Variants in FANCA observed in about 807,000 individuals in gnomAD.
FANCA encodes FA complementation group A.
A neutral mutation model predicts 194.3 loss-of-function variants in FANCA; 236 were observed. The observed-to-expected ratio is 1.21, with a 90% CI of 1.09 to 1.35. The LOEUF is 1.35. Ranked by LOEUF, FANCA falls within the 40% of genes most tolerant of loss-of-function variation. FANCA has a pLI of 0.00. For missense variants in FANCA, 2,628 were observed against 1,813.9 expected, an observed-to-expected ratio of 1.45 and a Z score of -8.15; for synonymous variants, 1,014 against 715.8, an observed-to-expected ratio of 1.42 and a Z score of -6.65.
At chr16:89,805,429 T>A (rs894967124) in intron 6 of FANCA, 37 bp from the exon 7 acceptor site, 10 of 1,522,674 alleles carry the variant, frequency 6.6e-6, no homozygotes, top group Non-Finnish European at 9.1e-6. Context: ...AAGGCTCAAC[T>A]AAATCCCATC....
Position 89,743,026 on chromosome 16 carries a change from T to C in FANCA, c.3627-88A>G. On this transcript the variant is annotated intron_variant, in intron 36 of 42. Transcript: ENST00000389301. Reference sequence around the variant, plus strand: ...CAAGTCCTTATTCCCACCTGTCACCTTTGGGGCCTGCCTTTCCATCAGAGG... The same window carrying C: ...CAAGTCCTTATTCCCACCTGTCACCCTTGGGGCCTGCCTTTCCATCAGAGG... The C allele has an allele frequency of 2.0e-6, 3 of 1,479,970 alleles. No homozygotes were observed. In the South Asian group the frequency reaches 3.8e-5, roughly 19 times the overall value. The allele number at this position is 1,479,970 out of a possible 1,614,324, so 91.7% of individuals were successfully genotyped here. A position where few individuals can be genotyped will look rare whatever the true frequency, so the allele number is the denominator to read the frequency against.
chr16:89,759,349 A>AAAAAAAAAAAG (rs1386463570), intron 29 of FANCA, among the ~76,000 whole-genome samples: 4 of 139,456 alleles, frequency 2.9e-5, no homozygotes, highest in Non-Finnish European at 6.2e-5. Flanking sequence ...AAAAAAAAAA[A>AAAAAAAAAAAG]GTAGCCTGGA....
chr16:89,738,547 C>G lies in FANCA; in HGVS notation c.*54G>C, dbSNP rs544435184. ...AGTGCAACAAGAGCTCCATGTTATG[C>G]TTGTAATAAATTATTTACACGGGAG... On this transcript the variant is annotated 3_prime_UTR_variant, in exon 43 of 43. Coordinates refer to ENST00000389301, the MANE Select transcript of FANCA (RefSeq NM_000135.4). The G allele has an allele frequency of 6.2e-7, 1 of 1,611,094 alleles. No individual in the cohort carries two copies. The highest frequency in any genetic ancestry group is 2.2e-5 in the East Asian group (1 of 44,890).
At chr16:89,743,844 C>T (rs1432964600) in intron 36 of FANCA, among the ~76,000 whole-genome samples, 1 of 152,072 alleles carries the variant, frequency 6.6e-6, no homozygotes, top group African/African-American at 2.4e-5. Context: ...AAACAAAAAA[C>T]AAAACTTCAG....
At position 89,769,895 on chromosome 16, in the gene FANCA, C is replaced by A; in HGVS notation, c.2446G>T (p.Ala816Ser). 1 of 1,614,082 alleles carries A rather than the reference C, an allele frequency of 6.2e-7. No homozygotes were observed. ...PAPGAGLPVP[A>S]LFDSLLTCRT... ...CAGGTCAGGAGGCTGTCAAAGAGCGCAGGGACAGGAAGGCCAGCACCAGGT... is the reference window on the plus strand; with the variant it reads ...CAGGTCAGGAGGCTGTCAAAGAGCGAAGGGACAGGAAGGCCAGCACCAGGT... The change falls in exon 26 of 43, where the codon GCG becomes TCG. Residue 816 changes from alanine to serine, a missense_variant. By Grantham distance (99) the Ala-to-Ser change is moderately conservative. Coordinates refer to ENST00000389301, the MANE Select transcript of FANCA (RefSeq NM_000135.4).
At chr16:89,759,835 G>A (rs1567610697) in intron 29 of FANCA, among the ~76,000 whole-genome samples, 1 of 152,200 alleles carries the variant, frequency 6.6e-6, no homozygotes, top group Non-Finnish European at 1.5e-5. Context: ...GCCACAACCA[G>A]GAAAACGCTC....
chr16:89,775,422 A>G (rs2039467271), intron 21 of FANCA, among the ~76,000 whole-genome samples: 1 of 152,216 alleles, frequency 6.6e-6, no homozygotes, highest in Non-Finnish European at 1.5e-5. Flanking sequence ...GTGGCCGCTG[A>G]GAGAGCACCC....
chr16:89,798,664 A>C, intron 10 of FANCA: 1 of 1,250,080 alleles, frequency 8.0e-7, no homozygotes, highest in Non-Finnish European at 1.0e-6. Context: ...GGGTCTCCGC[A>C]CATCTCCACA....
chr16:89,814,424 G>A lies in FANCA; in HGVS notation c.283+96C>T, dbSNP rs1360179121. The A allele has an allele frequency of 4.1e-6, 4 of 968,386 alleles. No individual in the cohort carries two copies. The African/African-American group carries it at 6.6e-5, about 16-fold the overall frequency. The allele number at this position is 968,386 out of a possible 1,614,324, so 60.0% of individuals were successfully genotyped here. On this transcript the variant is annotated intron_variant, in intron 3 of 42. Coordinates refer to ENST00000389301, the MANE Select transcript of FANCA (RefSeq NM_000135.4). ...ACACACCAGTGGAAACCCATCGCCT[G>A]AGAAAATTTACATTTCTACTTAATT...
chr16:89,765,532 G>A (rs72807569), intron 27 of FANCA, among the ~76,000 whole-genome samples: 2 of 152,214 alleles, frequency 1.3e-5, no homozygotes, highest in East Asian at 3.9e-4. Context: ...AGAATTGCAG[G>A]AACAAAACTG....
At chr16:89,768,493 T>C (rs1041380344) in intron 26 of FANCA, among the ~76,000 whole-genome samples, 2 of 152,046 alleles carry the variant, frequency 1.3e-5, no homozygotes, top group African/African-American at 4.8e-5. Context: ...CCATCTCTAC[T>C]AAAAATACAT....
intron 42 of FANCA, 82 bp downstream of exon 42, chr16:89,738,800 G>C (rs1432777263): frequency 6.2e-6 from 10 of 1,613,342 alleles, no homozygotes; most frequent in African/African-American, 1.3e-5. Context: ...GAGTTGTATT[G>C]CCAGCCAGGC....
At chr16:89,799,353 TCAAGA>T in intron 9 of FANCA, 121 bp from the exon 10 acceptor site, 1 of 1,145,414 alleles carries the variant, frequency 8.7e-7, no homozygotes, top group Non-Finnish European at 1.3e-6. Context: ...CCCACATCCA[TCAAGA>T]CTTCTACAAT....
At chr16:89,758,773 G>C (rs2038847341) in intron 29 of FANCA, 68 bp from the exon 30 acceptor site, 2 of 1,600,490 alleles carry the variant, frequency 1.2e-6, no homozygotes, top group Non-Finnish European at 1.7e-6. Flanking sequence ...CATAACCAGG[G>C]AATAGGCCCA....
At chr16:89,804,698 T>C (rs938243288) in intron 7 of FANCA, among the ~76,000 whole-genome samples, 18 of 152,106 alleles carry the variant, frequency 1.2e-4, no homozygotes, top group Admixed American at 6.6e-5. Context: ...CCTTCTTAGT[T>C]TGTGGGGGGA....
intron 3 of FANCA, among the ~76,000 whole-genome samples, chr16:89,813,732 C>T (rs138343149): frequency 6.6e-6 from 1 of 151,986 alleles, no homozygotes; most frequent in African/African-American, 2.4e-5. Context: ...TGTGCCAGGC[C>T]AACAATGCCA....
rs751222471 is a variant in FANCA at position 89,769,867 on chromosome 16, C to T, written c.2474G>A (p.Arg825Lys). 1.7e-5 allele frequency: 27 copies of T among 1,614,004 alleles called. No individual in the cohort carries two copies. The highest frequency in any genetic ancestry group is 3.3e-5 in the Admixed American group (2 of 59,990). ...GCAGAAGAACAAGGAATCCCTCGTC[C>T]TACAGGTCAGGAGGCTGTCAAAGAG... Reference protein sequence around the residue: ...PALFDSLLTCRTRDSLFFCLK... With the variant: ...PALFDSLLTCKTRDSLFFCLK... The change falls in exon 26 of 43, where the codon AGG becomes AAG. Residue 825 changes from arginine to lysine, a missense_variant. Transcript: ENST00000389301.
At chr16:89,806,120 A>C (rs913654315) in intron 6 of FANCA, among the ~76,000 whole-genome samples, 1 of 151,922 alleles carries the variant, frequency 6.6e-6, no homozygotes, top group African/African-American at 2.4e-5. Flanking sequence ...ACCACGTTGG[A>C]CAGGCTGGTC....
chr16:89,783,672 G>C (rs2039799842), intron 15 of FANCA, among the ~76,000 whole-genome samples: 1 of 152,204 alleles, frequency 6.6e-6, no homozygotes, highest in African/African-American at 2.4e-5. Flanking sequence ...AACCAGGGAT[G>C]TGCAATCCTA....
Sources: allele counts gnomAD v4.1 joint callset (sites outside exome capture counted in the v4.1 genomes callset), GRCh38; gene constraint gnomAD v4.1.1; transcripts MANE v1.5; gene names NCBI Gene and HGNC (gene_info 2026-07-23, HGNC 2026-07-21).